The following ITIH2 variants were observed in gnomAD, a reference collection of about 807,000 sequenced individuals.
ITIH2 encodes the protein inter-alpha-trypsin inhibitor heavy chain H2.
A neutral mutation model predicts 104.4 loss-of-function variants in ITIH2; 103 were observed. The ratio of observed to expected loss-of-function variants is 0.99; its 90% CI spans 0.84 to 1.16. The LOEUF is 1.16. Among genes scored for constraint, ITIH2 ranks in the 50% most tolerant of loss-of-function variants. The pLI is 0.00. For missense variants in ITIH2, 1,108 were observed against 1,162.4 expected (o/e 0.95, Z 0.68); for synonymous variants, 436 against 435.4 (o/e 1.00, Z -0.02).
intron 20 of ITIH2, 118 bp from the exon 21 acceptor site, chr10:7,749,069 A>G (rs543804169): frequency 2.1e-6 from 2 of 949,818 alleles, no homozygotes; most frequent in Non-Finnish European, 3.2e-6. Context: ...GAGCAGCGAT[A>G]GGTGGGGGGC....
At chr10:7,712,483 T>C (rs1199193680) in intron 4 of ITIH2, among the ~76,000 whole-genome samples, 1 of 152,192 alleles carries the variant, frequency 6.6e-6, no homozygotes, top group Non-Finnish European at 1.5e-5. Context: ...CAGAATGACC[T>C]GATGAACCAG....
chr10:7,744,023 C>T lies in ITIH2; in HGVS notation c.2210-59C>T, dbSNP rs879093392. 1.3e-5 allele frequency: 17 copies of T among 1,272,902 alleles called. No individual in the cohort carries two copies. In the South Asian group the frequency reaches 2.1e-4, roughly 16 times the overall value. 78.9% of individuals were successfully genotyped at this position (1,272,902 alleles called of 1,614,324 possible). On this transcript the variant is annotated intron_variant, in intron 17 of 20. Transcript: ENST00000358415. ...GTTTTTATAAATTTGAATTATAGTA[C>T]CCACACATGCAAAATAAATGGCACA...
intron 19 of ITIH2, among the ~76,000 whole-genome samples, chr10:7,745,939 A>G (rs1835172519): frequency 6.6e-6 from 1 of 150,650 alleles, no homozygotes; most frequent in African/African-American, 2.4e-5. Flanking sequence ...TTTTTAGTAG[A>G]GATGGGGTTT....
At chr10:7,715,696 A>G (rs1229509517) in intron 5 of ITIH2, among the ~76,000 whole-genome samples, 1 of 151,912 alleles carries the variant, frequency 6.6e-6, no homozygotes, top group Admixed American at 6.6e-5. Context: ...CAACTCCCCA[A>G]TCCCTTAGGC....
chr10:7,721,598 G>A (rs773856756), intron 7 of ITIH2, 51 bp from the exon 8 acceptor site: 2 of 1,577,270 alleles, frequency 1.3e-6, no homozygotes, highest in South Asian at 1.2e-5. Context: ...GCAGCGCCAA[G>A]CACTGGGAAG....
chr10:7,718,431 C>T (rs1834871656), intron 6 of ITIH2, among the ~76,000 whole-genome samples: 1 of 152,192 alleles, frequency 6.6e-6, no homozygotes, highest in Non-Finnish European at 1.5e-5. Context: ...GGCCACCATT[C>T]AACCCAAGAC....
At chr10:7,721,306 C>T (rs1159895327) in intron 7 of ITIH2, among the ~76,000 whole-genome samples, 2 of 152,152 alleles carry the variant, frequency 1.3e-5, no homozygotes, top group Non-Finnish European at 2.9e-5. Flanking sequence ...CAATGACCAG[C>T]GATAACCAAC....
intron 1 of ITIH2, 96 bp from the exon 2 acceptor site, chr10:7,705,012 T>C: frequency 2.7e-6 from 2 of 738,136 alleles, no homozygotes; most frequent in Non-Finnish European, 4.5e-6. Flanking sequence ...ATGGCACATG[T>C]ATACCTATGT....
chr10:7,706,689 G>A (rs908757902), intron 2 of ITIH2, among the ~76,000 whole-genome samples: 2 of 152,188 alleles, frequency 1.3e-5, no homozygotes, highest in Admixed American at 6.5e-5. Flanking sequence ...AAAGGAAACC[G>A]ACCTAGTCTT....
Position 7,749,189 on chromosome 10 carries a change from G to C in ITIH2, c.2696G>C (p.Gly899Ala). 2 of 1,614,036 alleles carry C rather than the reference G, an allele frequency of 1.2e-6. No individual in the cohort carries two copies. The highest frequency in any genetic ancestry group is 1.7e-6 in the Non-Finnish European group (2 of 1,179,976). Residue 899 changes from glycine to alanine, a missense_variant and splice_region_variant, in exon 21 of 21, where the codon GGC becomes GCC. Transcript: ENST00000358415. ...VKGQKLIITR[G>A]LQKDYRTDLV... ...CCACATGCCTTGCTTCCTTGCAGGGGCTTACAGAAAGACTACAGAACGGAT... is the reference window on the plus strand; with the variant it reads ...CCACATGCCTTGCTTCCTTGCAGGGCCTTACAGAAAGACTACAGAACGGAT...
chr10:7,705,537 C>T (rs1173514223), intron 2 of ITIH2, among the ~76,000 whole-genome samples: 2 of 151,760 alleles, frequency 1.3e-5, no homozygotes, highest in Non-Finnish European at 2.9e-5. Context: ...GAGGCTCTAC[C>T]TCTGCCACCC....
intron 15 of ITIH2, among the ~76,000 whole-genome samples, chr10:7,736,640 TATAA>T (rs1484847547): frequency 3.3e-5 from 5 of 152,164 alleles, no homozygotes; most frequent in African/African-American, 1.2e-4. Flanking sequence ...AGCAAAATAA[TATAA>T]ATAGATTATA....
At chr10:7,748,510 G>A (rs1323720188) in intron 20 of ITIH2, among the ~76,000 whole-genome samples, 4 of 93,736 alleles carry the variant, frequency 4.3e-5, no homozygotes, top group Middle Eastern at 8.1e-3. Context: ...AAGAGGTGCC[G>A]CCAATGCATT....
intron 10 of ITIH2, 25 bp downstream of exon 10, chr10:7,727,143 A>G: frequency 1.3e-6 from 2 of 1,585,840 alleles, no homozygotes; most frequent in Non-Finnish European, 1.7e-6. Flanking sequence ...CTAAATCCCA[A>G]GGAGACACTT....
Position 7,708,980 on chromosome 10 carries a change from G to A in ITIH2, c.193-42G>A. 1.9e-6 allele frequency: 3 copies of A among 1,544,162 alleles called. No individual in the cohort carries two copies. In the South Asian group the frequency reaches 3.4e-5, roughly 17 times the overall value. ...CACTACATTTGATGAAGTTCTGTGT[G>A]ATTTTTCTATCAGTACAGTTATGCT... On this transcript the variant is annotated intron_variant, in intron 3 of 20. Transcript: ENST00000358415.
intron 3 of ITIH2, among the ~76,000 whole-genome samples, chr10:7,708,773 C>A (rs536488055): frequency 1.3e-5 from 2 of 152,066 alleles, no homozygotes; most frequent in Non-Finnish European, 2.9e-5. Context: ...TATTTATAGA[C>A]TCATAGGGCT....
chr10:7,738,918 T>C (rs1171708551), intron 16 of ITIH2, among the ~76,000 whole-genome samples, 160 bp downstream of exon 16: 3 of 152,208 alleles, frequency 2.0e-5, no homozygotes, highest in East Asian at 3.8e-4. Flanking sequence ...GAAATACAGC[T>C]TATTTTGTTT....
chr10:7,703,970 A>G (rs1038804886), intron 1 of ITIH2, among the ~76,000 whole-genome samples: 1 of 152,262 alleles, frequency 6.6e-6, no homozygotes, highest in Non-Finnish European at 1.5e-5. Flanking sequence ...ATCAAAGCAC[A>G]CTGTTTTTCA....
At chr10:7,747,777 T>C (rs1353618809) in intron 20 of ITIH2, among the ~76,000 whole-genome samples, 3 of 152,174 alleles carry the variant, frequency 2.0e-5, no homozygotes, top group Admixed American at 6.5e-5. Flanking sequence ...ATTCTGCCTA[T>C]AGCCCCAGCT....
Sources: gnomAD v4.1 joint callset for allele counts (sites outside exome capture counted in the v4.1 genomes callset) on GRCh38, gnomAD v4.1.1 for gene constraint, MANE v1.5 for transcripts, NCBI Gene and HGNC (gene_info 2026-07-23, HGNC 2026-07-21) for gene names.